The following PRMT8 variants were observed in gnomAD, a reference collection of about 807,000 sequenced individuals.
The protein encoded by PRMT8 is protein arginine methyltransferase 8.
PRMT8 carries 7 observed loss-of-function variants against 47.1 expected under a neutral mutation model. The ratio of observed to expected loss-of-function variants is 0.15; its 90% CI spans 0.08 to 0.28. The LOEUF is 0.28. PRMT8 is among the 10% of genes least tolerant of loss of function. PRMT8 has a pLI of 1.00. For synonymous variants in PRMT8, 188 were observed against 186.5 expected, an observed-to-expected ratio of 1.01 and a Z score of -0.07; for missense variants, 237 against 505.4, an observed-to-expected ratio of 0.47 and a Z score of 5.09.
chr12:3,391,066 C>A (rs1864187680), intron 1 of PRMT8, among the ~76,000 whole-genome samples: 1 of 152,158 alleles, frequency 6.6e-6, no homozygotes, highest in Admixed American at 6.5e-5. Flanking sequence ...AGGGGATTCA[C>A]CAGAGTTGCT....
rs1355991567 is a variant in PRMT8 at position 3,576,408 on chromosome 12, GA to G, written c.713-462del. On this transcript the variant is annotated intron_variant, in intron 6 of 9. Transcript: ENST00000382622. The surrounding 1 kb of genome is among the most constrained non-coding windows in gnomAD (Gnocchi z 4.0). ...CTGCATTAAAGGTTCAGTGGATGGG[GA>G]CAGGAAAAGGGAGAGAGATGGGCCT... 6.6e-6 allele frequency among the ~76,000 whole-genome samples: 1 copy of G among 152,216 alleles called. No homozygotes were observed. The highest frequency in any genetic ancestry group is 1.5e-5 in the Non-Finnish European group (1 of 68,048).
At chr12:3,575,495 G>A (rs180769936) in intron 6 of PRMT8, among the ~76,000 whole-genome samples, 42 of 152,316 alleles carry the variant, frequency 2.8e-4, no homozygotes, top group African/African-American at 9.9e-4. Flanking sequence ...TGCATTCCTG[G>A]TTGCTGTCAC....
At chr12:3,525,122 T>C (rs1195263699) in intron 1 of PRMT8, among the ~76,000 whole-genome samples, 1 of 152,162 alleles carries the variant, frequency 6.6e-6, no homozygotes, top group Non-Finnish European at 1.5e-5. Context: ...CTTAGGGGAC[T>C]GAGGCATGAG....
chr12:3,563,935 A>T (rs10848882), intron 4 of PRMT8, among the ~76,000 whole-genome samples: 1 of 151,816 alleles, frequency 6.6e-6, no homozygotes, highest in Non-Finnish European at 1.5e-5. Flanking sequence ...AATGCCCCCC[A>T]CCTTTTTTCC....
intron 1 of PRMT8, among the ~76,000 whole-genome samples, chr12:3,419,161 G>A (rs1460101192): frequency 1.3e-5 from 2 of 152,224 alleles, no homozygotes; most frequent in African/African-American, 2.4e-5. Context: ...AAGACCCAGG[G>A]AGGAGGATTT....
rs143759900 is a variant in PRMT8 at position 3,453,836 on chromosome 12, C to T, written c.48+72394C>T. On this transcript the variant is annotated intron_variant, in intron 1 of 9. Coordinates refer to the PRMT8 transcript ENST00000452611. The surrounding 1 kb of genome is among the most constrained non-coding windows in gnomAD (Gnocchi z 4.9). ...CTCCTGCTATGCTAGGTCTGGGCTT[C>T]CGACGCCGGCCCTGCTCCGGCGATT... 7.6e-3 allele frequency among the ~76,000 whole-genome samples: 1,156 copies of T among 152,302 alleles called. 11 individuals carry two copies. The highest frequency in any genetic ancestry group is 0.013 in the Non-Finnish European group (867 of 68,026).
chr12:3,399,331 G>C (rs1565398686), intron 1 of PRMT8, among the ~76,000 whole-genome samples: 1 of 152,170 alleles, frequency 6.6e-6, no homozygotes, highest in Non-Finnish European at 1.5e-5. Flanking sequence ...GGCAAAAATA[G>C]AGTGGTTCAG....
chr12:3,574,218 T>A (rs944720661), intron 6 of PRMT8: 2 of 152,228 alleles, frequency 1.3e-5, no homozygotes, highest in African/African-American at 4.8e-5. Flanking sequence ...CAGGAGAGGT[T>A]ATATGGTCAG....
rs111848481 is a variant in PRMT8 at position 3,455,352 on chromosome 12, C to G, written c.48+73910C>G. Among the ~76,000 whole-genome samples, 1,020 of 152,196 alleles carry G rather than the reference C, an allele frequency of 6.7e-3. 8 individuals are homozygous for G. Among genetic ancestry groups the G allele is most frequent in the Non-Finnish European group, 6.4e-3 (435 of 67,996 alleles). On this transcript the variant is annotated intron_variant, in intron 1 of 9. Coordinates refer to the PRMT8 transcript ENST00000452611. ...TGGAGGATGAGGGTGAGGGGAGGTGCCTTCTAGCCTGGGCTTGGGGTGTGG... is the reference window on the plus strand; with the variant it reads ...TGGAGGATGAGGGTGAGGGGAGGTGGCTTCTAGCCTGGGCTTGGGGTGTGG...
rs569764720 is a variant in PRMT8, at chr12:3,508,544, C to T, written c.75+16844C>T. 9.3e-4 allele frequency among the ~76,000 whole-genome samples: 142 copies of T among 152,192 alleles called. 1 individual carries two copies. Among genetic ancestry groups the T allele is most frequent in the Admixed American group, 3.9e-3 (59 of 15,284 alleles). ...AGGGAGAGTCTTGTAAAGATAGATCCGAGTTTTAGGGTCAGAGACGTTATG... is the reference window on the plus strand; with the variant it reads ...AGGGAGAGTCTTGTAAAGATAGATCTGAGTTTTAGGGTCAGAGACGTTATG... On this transcript the variant is annotated intron_variant, in intron 1 of 9. Transcript: ENST00000382622. The surrounding 1 kb of genome is among the most constrained non-coding windows in gnomAD (Gnocchi z 4.9).
At chr12:3,484,256 G>A (rs1591564484) in intron 1 of PRMT8, among the ~76,000 whole-genome samples, 1 of 152,262 alleles carries the variant, frequency 6.6e-6, no homozygotes, top group African/African-American at 2.4e-5. Context: ...TTTGGAGGTG[G>A]TTAGCATCAT....
intron 1 of PRMT8, among the ~76,000 whole-genome samples, chr12:3,481,857 A>T (rs1352975650): frequency 6.6e-6 from 1 of 152,196 alleles, no homozygotes; most frequent in African/African-American, 2.4e-5. Flanking sequence ...TGAGATGCTG[A>T]TGGACCAAAG....
intron 1 of PRMT8, among the ~76,000 whole-genome samples, chr12:3,471,979 T>C (rs954900417): frequency 2.2e-4 from 33 of 151,968 alleles, no homozygotes; most frequent in African/African-American, 6.8e-4. Context: ...TTGGCCTCTC[T>C]GAACCTTTGT....
chr12:3,431,767 T>C (rs1864681135), intron 1 of PRMT8, among the ~76,000 whole-genome samples: 1 of 152,086 alleles, frequency 6.6e-6, no homozygotes, highest in Admixed American at 6.5e-5. Context: ...GTGAACTGAA[T>C]AGGGGGTGAG....
chr12:3,430,439 C>T (rs995929532), intron 1 of PRMT8, among the ~76,000 whole-genome samples: 4 of 152,090 alleles, frequency 2.6e-5, no homozygotes, highest in Non-Finnish European at 5.9e-5. Flanking sequence ...CCCTTACAAC[C>T]AAGTTGATTG....
chr12:3,549,142 T>C (rs1445751139), intron 2 of PRMT8, among the ~76,000 whole-genome samples: 2 of 152,200 alleles, frequency 1.3e-5, no homozygotes, highest in Non-Finnish European at 1.5e-5. Context: ...CAAAAGGGCA[T>C]GAAGGACTTT....
chr12:3,589,013 T>G (rs1459078363), intron 8 of PRMT8, among the ~76,000 whole-genome samples: 1 of 152,160 alleles, frequency 6.6e-6, no homozygotes, highest in East Asian at 1.9e-4. Flanking sequence ...TCTCCACCAG[T>G]AGAGAGAGGC....
At chr12:3,460,382 C>T (rs549774234) in intron 1 of PRMT8, among the ~76,000 whole-genome samples, 8 of 152,294 alleles carry the variant, frequency 5.3e-5, no homozygotes, top group Middle Eastern at 3.4e-3. Context: ...TGGACATCAC[C>T]GGCTTCTAAG....
rs554379282 is a variant in PRMT8, at chr12:3,418,764, T to C, written c.48+37322T>C. Among the ~76,000 whole-genome samples the C allele has an allele frequency of 6.6e-5, 10 of 151,614 alleles. No individual in the cohort carries two copies. The South Asian group carries it at 1.9e-3, about 29-fold the overall frequency. ...CTGGAGCAGACCCAGGAAAGCAGTG[T>C]CTTCGGTGGCTTTTGCCTCCTCTGG... On this transcript the variant is annotated intron_variant, in intron 1 of 9. Coordinates refer to the PRMT8 transcript ENST00000452611.
Sources: gnomAD v4.1 joint callset for allele counts (sites outside exome capture counted in the v4.1 genomes callset) on GRCh38, gnomAD v4.1.1 for gene constraint, Gnocchi (gnomAD v3.1) non-coding constraint, MANE v1.5 for transcripts, NCBI Gene and HGNC (gene_info 2026-07-23, HGNC 2026-07-21) for gene names.